Variants in LILRB1 observed in about 807,000 individuals in gnomAD.
LILRB1 encodes leukocyte immunoglobulin-like receptor subfamily B member 1.
A neutral mutation model predicts 74.6 loss-of-function variants in LILRB1; 59 were observed. That is an observed-to-expected ratio of 0.79 (90% CI 0.64 to 0.98). LILRB1 has a LOEUF of 0.98. Among genes scored for constraint, LILRB1 ranks in the 50% least tolerant of loss-of-function variants. The pLI, the probability that LILRB1 is intolerant of heterozygous loss-of-function variation, is 0.00. For missense variants in LILRB1, 804 were observed against 822.6 expected (o/e 0.98, Z 0.28); for synonymous variants, 328 against 333.9 (o/e 0.98, Z 0.19).
At chr19:54,635,450 C>T in intron 12 of LILRB1, 107 bp from the exon 13 acceptor site, 11 of 1,518,140 alleles carry the variant, frequency 7.2e-6, no homozygotes, top group South Asian at 6.2e-5. Context: ...ATCGCAGCCC[C>T]TCCCTGCATC....
chr19:54,633,576 G>T (rs1345877702), intron 7 of LILRB1, 62 bp from the exon 8 acceptor site: 2 of 1,513,614 alleles, frequency 1.3e-6, no homozygotes, highest in African/African-American at 1.4e-5. Context: ...GAGAAATTTG[G>T]TTTGAGGTGG....
Position 54,633,665 on chromosome 19 carries a change from C to A in LILRB1, c.1289C>A (p.Thr430Lys), listed in dbSNP as rs775989146. 13 of 1,613,574 alleles carry A rather than the reference C, an allele frequency of 8.1e-6. No individual in the cohort carries two copies. In the South Asian group the frequency reaches 1.4e-4, roughly 18 times the overall value. The change falls in exon 8 of 15, where the codon ACA becomes AAA. Residue 430 changes from threonine (T) to lysine (K), a missense_variant. By Grantham distance (78) the Thr-to-Lys change is moderately conservative (BLOSUM62 -1). Coordinates refer to ENST00000324602, the MANE Select transcript of LILRB1 (RefSeq NM_001081637.3). ...SGPSGGPSSP[T>K]TGPTSTSAGP... ...CCGTCTGGGGGCCCCAGCTCCCCGA[C>A]AACAGGCCCCACCTCCACATCTGGT...
Position 54,622,475 on chromosome 19 carries a change from C to T in LILRB1, c.-166+5126C>T, listed in dbSNP as rs555643815. On this transcript the variant is annotated intron_variant, in intron 1 of 15. Transcript: ENST00000396331. ...TCCTTAATTTGATTCTCAGCTTGAACGGTACTGATGTATAGAAAAGCTACT... is the reference window on the plus strand; with the variant it reads ...TCCTTAATTTGATTCTCAGCTTGAATGGTACTGATGTATAGAAAAGCTACT... Among the ~76,000 whole-genome samples the T allele has an allele frequency of 7.9e-5, 12 of 152,236 alleles. No individual in the cohort carries two copies. In the East Asian group the frequency reaches 1.5e-3, roughly 20 times the overall value.
chr19:54,631,881 G>A, intron 4 of LILRB1, 54 bp from the exon 5 acceptor site: 1 of 1,607,234 alleles, frequency 6.2e-7, no homozygotes, highest in African/African-American at 1.3e-5. Context: ...CCAGCCCTGG[G>A]GATGACGCGG....
chr19:54,623,255 T>C (rs1371503734), intron 1 of LILRB1, among the ~76,000 whole-genome samples: 3 of 152,212 alleles, frequency 2.0e-5, no homozygotes, highest in South Asian at 2.1e-4. Context: ...CTCTTCGTTG[T>C]GTATATGGCA....
chr19:54,635,252 C>G lies in LILRB1; in HGVS notation c.1563-7C>G, dbSNP rs1274746769. 1.9e-6 allele frequency: 3 copies of G among 1,612,212 alleles called. No individual in the cohort carries two copies. The highest frequency in any genetic ancestry group is 2.5e-6 in the Non-Finnish European group (3 of 1,178,386). Reference sequence around the variant, plus strand: ...CACTGCCCCTAAAGCTCCCATTCTTCCCCCAGGTCCAGCCCAGCTGCCGAT... The same window carrying G: ...CACTGCCCCTAAAGCTCCCATTCTTGCCCCAGGTCCAGCCCAGCTGCCGAT... On this transcript the variant is annotated splice_polypyrimidine_tract_variant and splice_region_variant and intron_variant, in intron 11 of 14. Transcript: ENST00000324602.
At chr19:54,634,951 G>T (rs1177067942) in intron 10 of LILRB1, 153 bp from the exon 11 acceptor site, 3 of 1,446,250 alleles carry the variant, frequency 2.1e-6, no homozygotes, top group Non-Finnish European at 2.8e-6. Context: ...ATCTACAAAT[G>T]TAAAGTGTCC....
Position 54,631,798 on chromosome 19 carries a change from A to C in LILRB1, c.358+11A>C, listed in dbSNP as rs772004768. ...AGCTGGTGGTGACAGGTGAGCTGAC[A>C]CTCAGGGGTCCCAGCCCCAGACTCT... is the stretch of plus-strand genomic sequence containing the variant. On this transcript the variant is annotated intron_variant, in intron 4 of 14. Coordinates refer to ENST00000324602, the MANE Select transcript of LILRB1 (RefSeq NM_001081637.3). The C allele has an allele frequency of 1.5e-5, 24 of 1,613,538 alleles. No homozygotes were observed. Among genetic ancestry groups the C allele is most frequent in the Non-Finnish European group, 1.7e-5 (20 of 1,179,672 alleles).
chr19:54,636,856 A>C lies in LILRB1; in HGVS notation c.1937A>C (p.Tyr646Ser). The part of the protein sequence containing the change: ...EGPSPAVPSI[Y>S]ATLAIH ...CCCTCTCCAGCTGTGCCCAGCATCTACGCCACTCTGGCCATCCACTAGCCC... is the reference window on the plus strand; with the variant it reads ...CCCTCTCCAGCTGTGCCCAGCATCTCCGCCACTCTGGCCATCCACTAGCCC... Residue 646 changes from tyrosine to serine, a missense_variant, in exon 15 of 15, where the codon TAC becomes TCC. Transcript: ENST00000324602. 5 of 1,613,300 alleles carry C rather than the reference A, an allele frequency of 3.1e-6. No homozygotes were observed. Among genetic ancestry groups the C allele is most frequent in the Non-Finnish European group, 4.2e-6 (5 of 1,179,496 alleles).
Position 54,636,437 on chromosome 19 carries a change from T to C in LILRB1, c.1654-57T>C. ...ATCACCCGGGGAACAGTGAGGAAAATTGACTCCAGGGGGTCAGGAGGATTC... is the reference window on the plus strand; with the variant it reads ...ATCACCCGGGGAACAGTGAGGAAAACTGACTCCAGGGGGTCAGGAGGATTC... On this transcript the variant is annotated intron_variant, in intron 13 of 14. Transcript: ENST00000324602. 8.8e-6 allele frequency: 14 copies of C among 1,596,022 alleles called. 1 individual carries two copies. In the South Asian group the frequency reaches 1.6e-4, roughly 18 times the overall value.
upstream of LILRB1, among the ~76,000 whole-genome samples, chr19:54,630,078 CA>C (rs1234495079): frequency 5.9e-5 from 5 of 85,024 alleles, no homozygotes; most frequent in Admixed American, 5.7e-4. Flanking sequence ...AATGTTCCAG[CA>C]CCACTGACCG....
At chr19:54,629,093 C>T (rs1309298059), upstream of LILRB1, among the ~76,000 whole-genome samples, 3 of 152,220 alleles carry the variant, frequency 2.0e-5, no homozygotes, top group South Asian at 2.1e-4. Flanking sequence ...CCTGGAGCAA[C>T]GCAGCCTTGA....
In LILRB1 at chr19:54,632,649, A is replaced by G. The variant is rs61737891; in HGVS notation, c.847A>G (p.Thr283Ala). Reference sequence around the variant, plus strand: ...GGCTGGGCTCTCCCAGGCCAACTTCACCCTGGGCCCTGTGAGCCGCTCCTA... The same window carrying G: ...GGCTGGGCTCTCCCAGGCCAACTTCGCCCTGGGCCCTGTGAGCCGCTCCTA... ...PQAGLSQANF[T>A]LGPVSRSYGG... is the part of the protein sequence containing the mutation. The change falls in exon 6 of 15, where the codon ACC (threonine) becomes GCC (alanine). Residue 283 changes from threonine (T) to alanine (A), a missense_variant. Thr to Ala is a moderately conservative substitution (Grantham distance 58, BLOSUM62 0). Transcript: ENST00000324602. 72,527 of 1,613,512 alleles carry G rather than the reference A, an allele frequency of 0.045. 1,799 individuals are homozygous for G. Among genetic ancestry groups the G allele is most frequent in the South Asian group, 0.058 (5,295 of 91,048 alleles).
Position 54,631,533 on chromosome 19 carries a change from C to G in LILRB1, c.104C>G (p.Pro35Arg). ...CCCAAGCCCACCCTCTGGGCTGAAC[C>G]AGGCTCTGTGATCACCCAGGGGAGT... is the stretch of plus-strand genomic sequence containing the variant. ...HLPKPTLWAE[P>R]GSVITQGSPV... Residue 35 changes from proline (P) to arginine (R), a missense_variant, in exon 4 of 15, where the codon CCA (proline) becomes CGA (arginine). Transcript: ENST00000324602. 1 of 1,613,918 alleles carries G rather than the reference C, an allele frequency of 6.2e-7. No homozygotes were observed. The highest frequency in any genetic ancestry group is 8.5e-7 in the Non-Finnish European group (1 of 1,179,890).
upstream of LILRB1, among the ~76,000 whole-genome samples, chr19:54,616,753 G>A (rs2063320901): frequency 6.6e-6 from 1 of 152,146 alleles, no homozygotes; most frequent in Non-Finnish European, 1.5e-5. Flanking sequence ...TTTGCATGAG[G>A]AACTGAACTG....
At chr19:54,630,147 G>T (rs542584407), upstream of LILRB1, among the ~76,000 whole-genome samples, 1 of 152,398 alleles carries the variant, frequency 6.6e-6, no homozygotes, top group East Asian at 1.9e-4. Flanking sequence ...AGAATCTGAG[G>T]CTCAGAGATG....
chr19:54,636,767 C>A lies in LILRB1; in HGVS notation c.1848C>A (p.Tyr616Ter), dbSNP rs771848801. ...CTGAAGCCCCCCAGGATGTGACCTA[C>A]GCCCAGCTGCACAGCTTGACCCTCA... ...AASEAPQDVT[Y>*]AQLHSLTLRR... Residue 616 changes from tyrosine to a stop codon, truncating the protein, a stop_gained, in exon 15 of 15, where the codon TAC becomes TAA. Coordinates refer to ENST00000324602, the MANE Select transcript of LILRB1 (RefSeq NM_001081637.3). LOFTEE classifies it low-confidence loss of function (END_TRUNC). 6.2e-7 allele frequency: 1 copy of A among 1,611,894 alleles called. No individual in the cohort carries two copies. The highest frequency in any genetic ancestry group is 1.1e-5 in the South Asian group (1 of 91,006).
At chr19:54,625,150 G>A (rs1288181470) in intron 1 of LILRB1, among the ~76,000 whole-genome samples, 6 of 138,324 alleles carry the variant, frequency 4.3e-5, no homozygotes, top group African/African-American at 1.3e-4. Flanking sequence ...GGGCCTCTGA[G>A]CATTGGACTT....
chr19:54,627,294 C>T (rs767382160), upstream of LILRB1, among the ~76,000 whole-genome samples: 10 of 152,296 alleles, frequency 6.6e-5, no homozygotes, highest in Admixed American at 2.0e-4. Context: ...CTCCCCTCAA[C>T]GAAATTCCTG....
Sources: gnomAD v4.1 joint callset for allele counts (sites outside exome capture counted in the v4.1 genomes callset) on GRCh38, gnomAD v4.1.1 for gene constraint, MANE v1.5 for transcripts, NCBI Gene and HGNC (gene_info 2026-07-23, HGNC 2026-07-21) for gene names.